IQCM: variants seen among roughly 807,000 people sequenced by gnomAD.
The protein encoded by IQCM is IQ motif containing M, also known as IQ domain-containing protein M.
Under a neutral mutation model 57.6 loss-of-function variants are expected in IQCM, and 45 were observed. That is an observed-to-expected ratio of 0.78 (90% CI 0.62 to 1.00). The LOEUF (loss-of-function observed/expected upper bound fraction) is 1.00. Ranked by LOEUF, IQCM falls within the 50% of genes least tolerant of loss-of-function variation. The probability of loss-of-function intolerance (pLI) is 0.00; values close to 1 mark genes in which losing one functional copy is unlikely to be tolerated. For synonymous variants in IQCM, 148 were observed against 158.9 expected (o/e 0.93, Z 0.51); for missense variants, 468 against 511.6 (o/e 0.91, Z 0.82).
At chr4:149,568,526 C>T (rs1750848356) in intron 9 of IQCM, among the ~76,000 whole-genome samples, 1 of 152,052 alleles carries the variant, frequency 6.6e-6, no homozygotes, top group African/African-American at 2.4e-5. Flanking sequence ...TGGCTCCATG[C>T]CTGTTATCCC....
chr4:149,538,682 A>G (rs1747547315), intron 12 of IQCM, among the ~76,000 whole-genome samples: 1 of 151,982 alleles, frequency 6.6e-6, no homozygotes, highest in Non-Finnish European at 1.5e-5. Context: ...ACTATAGACC[A>G]AAAAGTAAGA....
intron 7 of IQCM, among the ~76,000 whole-genome samples, chr4:149,668,587 A>T (rs756431192): frequency 3.3e-5 from 5 of 152,122 alleles, no homozygotes; most frequent in South Asian, 4.1e-4. Context: ...GCAGCAAACC[A>T]CCATGGCACA....
In IQCM at chr4:149,777,938, A is replaced by G. The variant is rs550436842; in HGVS notation, c.-48-35199T>C. Among the ~76,000 whole-genome samples, 5 of 152,324 alleles carry G rather than the reference A, an allele frequency of 3.3e-5. 1 individual carries two copies. The highest frequency in any genetic ancestry group is 1.2e-4 in the African/African-American group (5 of 41,578). On this transcript the variant is annotated intron_variant, in intron 2 of 13. Transcript: ENST00000636793. ...GCAGACCAAAAACAAAACAAAAAAA[A>G]AGGCCCAAACCAAACCAAAGCCTAT...
At chr4:149,777,021 T>C (rs992817541) in intron 2 of IQCM, among the ~76,000 whole-genome samples, 36 of 152,298 alleles carry the variant, frequency 2.4e-4, no homozygotes, top group African/African-American at 7.9e-4. Flanking sequence ...TCCAGTTGTA[T>C]AAGGTTTTTA....
At chr4:149,397,555 C>A (rs955197143) in intron 13 of IQCM, among the ~76,000 whole-genome samples, 7 of 151,980 alleles carry the variant, frequency 4.6e-5, no homozygotes, top group African/African-American at 1.4e-4. Flanking sequence ...CTTGCTTCCC[C>A]TTTGCCTTCT....
intron 8 of IQCM, among the ~76,000 whole-genome samples, chr4:149,618,290 GA>G: frequency 6.6e-6 from 1 of 152,236 alleles, no homozygotes. Flanking sequence ...GGTAAAATTG[GA>G]AAGCCATATG....
At chr4:149,585,172 C>T (rs1554001436) in intron 9 of IQCM, among the ~76,000 whole-genome samples, 1 of 151,648 alleles carries the variant, frequency 6.6e-6, no homozygotes, top group Non-Finnish European at 1.5e-5. Context: ...ATATGTGTGA[C>T]ATATTTTTAC....
chr4:149,548,490 T>C lies in IQCM; in HGVS notation c.1193A>G (p.Lys398Arg). ...CAGGTCCCAAGTATCATCAACTTGT[T>C]TCTGAGTTGGGAAATGACCACAGTC... ...FSDCGHFPTQ[K>R]QVDDTWDLVH... The change falls in exon 12 of 14, where the codon AAA (lysine) becomes AGA (arginine). Residue 398 changes from lysine (K) to arginine (R), a missense_variant. Physicochemically the swap from Lys to Arg is conservative, Grantham distance 26 (BLOSUM62 2). Transcript: ENST00000636793. 1 of 1,231,970 alleles carries C rather than the reference T, an allele frequency of 8.1e-7. No individual in the cohort carries two copies. Among genetic ancestry groups the C allele is most frequent in the Non-Finnish European group, 1.0e-6 (1 of 987,862 alleles). 76.3% of individuals were successfully genotyped at this position (1,231,970 alleles called of 1,614,324 possible).
intron 13 of IQCM, among the ~76,000 whole-genome samples, chr4:149,385,290 A>G (rs555042899): frequency 1.3e-5 from 2 of 152,210 alleles, no homozygotes; most frequent in Admixed American, 1.3e-4. Flanking sequence ...AGGCCTTACA[A>G]TCAAATATGA....
intron 12 of IQCM, among the ~76,000 whole-genome samples, chr4:149,511,998 G>A (rs1476588745): frequency 6.6e-6 from 1 of 152,004 alleles, no homozygotes; most frequent in Non-Finnish European, 1.5e-5. Flanking sequence ...CTAGGTGTTG[G>A]GTGCTTAGTG....
chr4:149,778,727 C>T (rs1388331713), intron 2 of IQCM, among the ~76,000 whole-genome samples: 1 of 151,998 alleles, frequency 6.6e-6, no homozygotes, highest in African/African-American at 2.4e-5. Flanking sequence ...GCTCTATATA[C>T]ACAAATATGA....
chr4:149,546,333 C>T (rs1748425019), intron 12 of IQCM, among the ~76,000 whole-genome samples: 1 of 151,992 alleles, frequency 6.6e-6, no homozygotes, highest in South Asian at 2.1e-4. Context: ...GTATATATAC[C>T]CAGTAATGGG....
chr4:149,731,543 T>A (rs1016605766), intron 5 of IQCM, among the ~76,000 whole-genome samples: 12 of 152,186 alleles, frequency 7.9e-5, no homozygotes, highest in Non-Finnish European at 1.3e-4. Flanking sequence ...TCCTAAGGAT[T>A]TTTGTCCAGT....
intron 5 of IQCM, among the ~76,000 whole-genome samples, chr4:149,693,895 T>A (rs1763120343): frequency 6.6e-6 from 1 of 152,230 alleles, no homozygotes; most frequent in Admixed American, 6.5e-5. Context: ...TTCCCCATTT[T>A]GCTAGTCATT....
chr4:149,601,850 A>G (rs1389515805), intron 8 of IQCM, among the ~76,000 whole-genome samples: 2 of 151,956 alleles, frequency 1.3e-5, no homozygotes, highest in Non-Finnish European at 2.9e-5. Flanking sequence ...CAAGATCGAG[A>G]CCATCCTGGC....
At chr4:149,804,705 G>C (rs1030515776) in intron 2 of IQCM, among the ~76,000 whole-genome samples, 20 of 152,008 alleles carry the variant, frequency 1.3e-4, no homozygotes, top group African/African-American at 4.6e-4. Context: ...ATCCAGATGG[G>C]CTTGGTAGAC....
intron 8 of IQCM, among the ~76,000 whole-genome samples, chr4:149,590,297 C>T (rs1273699245): frequency 3.1e-5 from 4 of 128,680 alleles, no homozygotes; most frequent in South Asian, 5.0e-4. Context: ...GTAAATATCG[C>T]CTTTGTTATA....
chr4:149,415,281 G>T (rs1733664454), intron 13 of IQCM, among the ~76,000 whole-genome samples: 1 of 152,154 alleles, frequency 6.6e-6, no homozygotes. Flanking sequence ...ATCATTCTTT[G>T]TAATTGATGA....
At chr4:149,408,246 T>C (rs1475057614) in intron 13 of IQCM, among the ~76,000 whole-genome samples, 2 of 152,150 alleles carry the variant, frequency 1.3e-5, no homozygotes, top group Non-Finnish European at 1.5e-5. Context: ...TTGTGACATA[T>C]GGAGTAATAA....
Sources: allele counts gnomAD v4.1 joint callset (sites outside exome capture counted in the v4.1 genomes callset), GRCh38; gene constraint gnomAD v4.1.1; transcripts MANE v1.5; gene names NCBI Gene and HGNC (gene_info 2026-07-23, HGNC 2026-07-21).